The following LEKR1 variants were observed in gnomAD, a reference collection of about 807,000 sequenced individuals.
The protein encoded by LEKR1 is leucine, glutamate and lysine rich 1.
LEKR1 carries 59 observed loss-of-function variants against 72.4 expected under a neutral mutation model. The observed-to-expected ratio is 0.82, with a 90% CI of 0.66 to 1.01. LEKR1 has a LOEUF of 1.01. Ranked by LOEUF, LEKR1 falls within the 50% of genes least tolerant of loss-of-function variation. The pLI, the probability that LEKR1 is intolerant of heterozygous loss-of-function variation, is 0.00. For missense variants in LEKR1, 728 were observed against 759.2 expected, an observed-to-expected ratio of 0.96 and a Z score of 0.48; for synonymous variants, 257 against 263.2, an observed-to-expected ratio of 0.98 and a Z score of 0.23.
At chr3:156,944,658 A>G (rs748939036) in intron 6 of LEKR1, among the ~76,000 whole-genome samples, 4 of 151,740 alleles carry the variant, frequency 2.6e-5, no homozygotes, top group Non-Finnish European at 5.9e-5. Context: ...TTCTACAAAT[A>G]AATATGCAAA....
At chr3:156,903,614 A>G (rs1192071141) in intron 3 of LEKR1, among the ~76,000 whole-genome samples, 1 of 152,162 alleles carries the variant, frequency 6.6e-6, no homozygotes, top group African/African-American at 2.4e-5. Flanking sequence ...GTGTAGCTAG[A>G]CCTTAGGAAT....
chr3:157,040,501 T>G (rs778695572), intron 12 of LEKR1, among the ~76,000 whole-genome samples: 1 of 152,228 alleles, frequency 6.6e-6, no homozygotes, highest in Non-Finnish European at 1.5e-5. Flanking sequence ...AAAAGGCCAT[T>G]TCCACTAACT....
At chr3:156,837,360 C>G (rs1713287394) in intron 2 of LEKR1, among the ~76,000 whole-genome samples, 1 of 152,180 alleles carries the variant, frequency 6.6e-6, no homozygotes, top group Admixed American at 6.5e-5. Flanking sequence ...GACACCCGGT[C>G]CTCTCATACT....
chr3:156,903,755 A>C (rs1242412088), intron 3 of LEKR1, among the ~76,000 whole-genome samples: 1 of 152,214 alleles, frequency 6.6e-6, no homozygotes, highest in Non-Finnish European at 1.5e-5. Context: ...GGTTGTCCAC[A>C]GTTCATAAGT....
chr3:157,018,508 G>A (rs1023556995), intron 10 of LEKR1, among the ~76,000 whole-genome samples: 6 of 151,960 alleles, frequency 3.9e-5, no homozygotes, highest in Non-Finnish European at 7.4e-5. Context: ...ATTAGAAATC[G>A]TTAGCAGAAA....
intron 3 of LEKR1, among the ~76,000 whole-genome samples, chr3:156,880,297 T>A (rs1246094930): frequency 1.3e-5 from 2 of 152,190 alleles, no homozygotes; most frequent in African/African-American, 4.8e-5. Context: ...TTTGGAGCTT[T>A]AAGATTTGAC....
intron 3 of LEKR1, among the ~76,000 whole-genome samples, chr3:156,874,353 T>C (rs1361703889): frequency 6.6e-6 from 1 of 152,084 alleles, no homozygotes; most frequent in Non-Finnish European, 1.5e-5. Flanking sequence ...TGCTAAATGA[T>C]TGTACATTTG....
At chr3:156,980,991 G>A (rs1009698094) in intron 7 of LEKR1, among the ~76,000 whole-genome samples, 5 of 152,200 alleles carry the variant, frequency 3.3e-5, no homozygotes, top group South Asian at 2.1e-4. Context: ...TTATAATACC[G>A]TATATTTACT....
intron 3 of LEKR1, among the ~76,000 whole-genome samples, chr3:156,913,287 T>C (rs1723289406): frequency 1.3e-5 from 2 of 152,210 alleles, no homozygotes; most frequent in Admixed American, 1.3e-4. Context: ...TTTCATTTAT[T>C]TGTGTCATGT....
At position 156,858,253 on chromosome 3, in the gene LEKR1, AAG is replaced by A. The variant is rs1160553450; in HGVS notation, c.263+5276_263+5277del. 3.3e-5 allele frequency among the ~76,000 whole-genome samples: 5 copies of A among 152,184 alleles called. 1 individual carries two copies. The highest frequency in any genetic ancestry group is 4.1e-4 in the South Asian group (2 of 4,822). On this transcript the variant is annotated intron_variant, in intron 3 of 12. Coordinates refer to ENST00000356539, the MANE Select transcript of LEKR1 (RefSeq NM_001004316.3). ...GCGTTTGATTGAGAAAGAGACAAGA[AAG>A]AGAGTGAAGGACAGAGAGAGAGAGA...
At chr3:156,953,823 G>T (rs978880761) in intron 6 of LEKR1, among the ~76,000 whole-genome samples, 2 of 151,782 alleles carry the variant, frequency 1.3e-5, no homozygotes, top group African/African-American at 2.4e-5. Context: ...GTGCTGCAAT[G>T]AACATATGCA....
chr3:156,990,253 G>A (rs908899973), intron 7 of LEKR1, among the ~76,000 whole-genome samples: 1 of 151,988 alleles, frequency 6.6e-6, no homozygotes, highest in African/African-American at 2.4e-5. Flanking sequence ...AAACCACATA[G>A]GGGGTGATGT....
chr3:156,874,541 C>CT lies in LEKR1; in HGVS notation c.263+21569dup, dbSNP rs35305371. Among the ~76,000 whole-genome samples, 13 of 150,580 alleles carry CT rather than the reference C, an allele frequency of 8.6e-5. No individual in the cohort carries two copies. In the South Asian group the frequency reaches 1.7e-3, roughly 19 times the overall value. ...TGTTATATGTGATTTTTTTAAAAAA[C>CT]TTTTTTTTTTCCAATAGTTTTTGGA... On this transcript the variant is annotated intron_variant, in intron 3 of 12. Transcript: ENST00000356539.
At chr3:156,982,470 C>A (rs548428233) in intron 7 of LEKR1, among the ~76,000 whole-genome samples, 1 of 152,102 alleles carries the variant, frequency 6.6e-6, no homozygotes, top group South Asian at 2.1e-4. Flanking sequence ...TGTCTAGAAC[C>A]CTTTACATAT....
In LEKR1 at chr3:156,867,646, G is replaced by A. The variant is rs147764800; in HGVS notation, c.263+14664G>A. 3.9e-3 allele frequency among the ~76,000 whole-genome samples: 591 copies of A among 152,058 alleles called. 2 individuals carry two copies. Among genetic ancestry groups the A allele is most frequent in the African/African-American group, 0.014 (577 of 41,516 alleles). On this transcript the variant is annotated intron_variant, in intron 3 of 12. Coordinates refer to ENST00000356539, the MANE Select transcript of LEKR1 (RefSeq NM_001004316.3). ...AATAATCTCTTTTTGATATTGGATA[G>A]CACTTATATTTTTAAACATGCAGCA...
intron 6 of LEKR1, among the ~76,000 whole-genome samples, chr3:156,967,716 G>C (rs1728759514): frequency 1.3e-5 from 2 of 152,182 alleles, no homozygotes; most frequent in African/African-American, 4.8e-5. Context: ...ATATTATCCA[G>C]GAGAACTTCC....
intron 1 of LEKR1, 107 bp from the exon 2 acceptor site, chr3:156,829,179 C>G: frequency 1.8e-6 from 1 of 561,402 alleles, no homozygotes; most frequent in Non-Finnish European, 3.2e-6. Context: ...TCTGTTGAAA[C>G]AGTTATCACC....
At chr3:156,995,162 G>T (rs961810493) in intron 9 of LEKR1, among the ~76,000 whole-genome samples, 20 of 152,248 alleles carry the variant, frequency 1.3e-4, no homozygotes, top group African/African-American at 4.8e-4. Context: ...AATTATCTCT[G>T]ACTGCAGTTT....
chr3:156,983,356 G>A (rs1730399420), intron 7 of LEKR1, among the ~76,000 whole-genome samples: 1 of 152,060 alleles, frequency 6.6e-6, no homozygotes, highest in Non-Finnish European at 1.5e-5. Context: ...TGAAATAGTG[G>A]TTGTCACACT....
Sources: gnomAD v4.1 joint callset for allele counts (sites outside exome capture counted in the v4.1 genomes callset) on GRCh38, gnomAD v4.1.1 for gene constraint, MANE v1.5 for transcripts, NCBI Gene and HGNC (gene_info 2026-07-23, HGNC 2026-07-21) for gene names.